Variants in EPC1 observed in about 807,000 individuals in gnomAD.
EPC1 encodes the protein enhancer of polycomb homolog 1.
In EPC1, 12 loss-of-function variants were observed where a neutral mutation model predicts 98.4. That is an observed-to-expected ratio of 0.12 (90% CI 0.08 to 0.20). The LOEUF is 0.20. Among genes scored for constraint, EPC1 ranks in the 10% least tolerant of loss-of-function variants. The pLI is 1.00. For missense variants in EPC1, 729 were observed against 990.5 expected, an observed-to-expected ratio of 0.74 and a Z score of 3.54; for synonymous variants, 357 against 363.9, an observed-to-expected ratio of 0.98 and a Z score of 0.21.
At chr10:32,377,167 A>C (rs907808503) in intron 1 of EPC1, 3 of 152,232 alleles carry the variant, frequency 2.0e-5, no homozygotes, top group Non-Finnish European at 2.9e-5. Context: ...ATCTTATTCC[A>C]AAATATTTGT....
chr10:32,344,417 G>GA (rs11361232), intron 1 of EPC1, among the ~76,000 whole-genome samples: 97 of 145,816 alleles, frequency 6.7e-4, no homozygotes, highest in Middle Eastern at 3.4e-3. Flanking sequence ...GCAATCTGAA[G>GA]AAAAAAAAAA....
chr10:32,303,914 G>T (rs1186238193), intron 2 of EPC1, among the ~76,000 whole-genome samples: 1 of 152,232 alleles, frequency 6.6e-6, no homozygotes, highest in Non-Finnish European at 1.5e-5. Flanking sequence ...CTGTGCAGGA[G>T]ACTTCTCTGT....
chr10:32,279,482 A>C (rs112314665), intron 10 of EPC1, among the ~76,000 whole-genome samples: 154 of 152,346 alleles, frequency 1.0e-3, no homozygotes, highest in African/African-American at 3.2e-3. Context: ...AGTAGGATTA[A>C]GATGTTATGT....
At chr10:32,359,623 A>G (rs1015586978) in intron 1 of EPC1, among the ~76,000 whole-genome samples, 7 of 152,304 alleles carry the variant, frequency 4.6e-5, no homozygotes, top group Admixed American at 3.3e-4. Context: ...CTATTTTTTG[A>G]ATGATAGTTT....
intron 10 of EPC1, 35 bp downstream of exon 10, chr10:32,284,663 T>C (rs11816392): frequency 6.6e-7 from 1 of 1,524,280 alleles, no homozygotes; most frequent in African/African-American, 1.4e-5. Context: ...ACCTGACATT[T>C]CTATAGAAAC....
At chr10:32,324,476 G>A (rs1487753219) in intron 1 of EPC1, among the ~76,000 whole-genome samples, 1 of 150,810 alleles carries the variant, frequency 6.6e-6, no homozygotes, top group Non-Finnish European at 1.5e-5. Context: ...GCTGCAGTGA[G>A]CCGAGATTGT....
chr10:32,313,703 T>C (rs1471658696), intron 1 of EPC1, among the ~76,000 whole-genome samples: 5 of 152,028 alleles, frequency 3.3e-5, no homozygotes, highest in Non-Finnish European at 7.4e-5. Context: ...CTGGCCAATA[T>C]GGTGAAACAC....
chr10:32,373,058 C>A lies in EPC1; in HGVS notation c.3+5433G>T, dbSNP rs183169962. Among the ~76,000 whole-genome samples the A allele has an allele frequency of 8.5e-5, 13 of 152,182 alleles. No homozygotes were observed. The East Asian group carries it at 9.6e-4, about 11-fold the overall frequency. Reference sequence around the variant, plus strand: ...AGAATAAAATAAAAGTTAGAGAACACCAATTTTACAAATATCTCATGTGAT... The same window carrying A: ...AGAATAAAATAAAAGTTAGAGAACAACAATTTTACAAATATCTCATGTGAT... On this transcript the variant is annotated intron_variant, in intron 1 of 13. Transcript: ENST00000375110.
At chr10:32,369,934 C>T (rs1164032778) in intron 1 of EPC1, among the ~76,000 whole-genome samples, 3 of 152,084 alleles carry the variant, frequency 2.0e-5, no homozygotes, top group Non-Finnish European at 2.9e-5. Flanking sequence ...AGTCATGCTA[C>T]AGATAAGACC....
chr10:32,316,264 T>C (rs1160862296), intron 1 of EPC1, among the ~76,000 whole-genome samples: 2 of 152,192 alleles, frequency 1.3e-5, no homozygotes, highest in African/African-American at 2.4e-5. Flanking sequence ...GAAAGGCCGA[T>C]AGATACTGTA....
intron 6 of EPC1, among the ~76,000 whole-genome samples, chr10:32,289,502 T>C (rs1250781071): frequency 6.6e-6 from 1 of 151,928 alleles, no homozygotes; most frequent in African/African-American, 2.4e-5. Context: ...TGAAGGTCTG[T>C]TTACCACAAT....
chr10:32,351,283 C>T (rs1839100893), upstream of EPC1, among the ~76,000 whole-genome samples: 1 of 152,164 alleles, frequency 6.6e-6, no homozygotes, highest in Non-Finnish European at 1.5e-5. Flanking sequence ...AATTTTGCCC[C>T]ACTCTGTCCA....
intron 1 of EPC1, among the ~76,000 whole-genome samples, chr10:32,321,127 G>A (rs1389506535): frequency 2.0e-5 from 3 of 151,986 alleles, no homozygotes; most frequent in Non-Finnish European, 4.4e-5. Flanking sequence ...AAAGATTAGA[G>A]GTTAAACTAT....
chr10:32,347,434 C>G (rs1301371591), upstream of EPC1: 1 of 159,538 alleles, frequency 6.3e-6, no homozygotes, highest in Non-Finnish European at 1.4e-5. Context: ...CACTTTCTCA[C>G]GCTCGCTCCC....
At chr10:32,302,014 C>T (rs1445462029) in intron 2 of EPC1, among the ~76,000 whole-genome samples, 1 of 152,152 alleles carries the variant, frequency 6.6e-6, no homozygotes, top group Non-Finnish European at 1.5e-5. Flanking sequence ...TGGCTCACGC[C>T]TGTAATCCCA....
At chr10:32,352,864 G>C (rs929489291) in intron 1 of EPC1, among the ~76,000 whole-genome samples, 5 of 152,082 alleles carry the variant, frequency 3.3e-5, no homozygotes, top group Non-Finnish European at 7.4e-5. Context: ...AGTATCCCTA[G>C]TATCTATCTG....
intron 1 of EPC1, among the ~76,000 whole-genome samples, chr10:32,311,695 A>G (rs1289089729): frequency 6.6e-6 from 1 of 152,224 alleles, no homozygotes; most frequent in African/African-American, 2.4e-5. Context: ...TGTGTATGCT[A>G]TATTTTTCCT....
At chr10:32,330,377 GGTCA>G (rs1287078962) in intron 1 of EPC1, among the ~76,000 whole-genome samples, 1 of 152,092 alleles carries the variant, frequency 6.6e-6, no homozygotes, top group Non-Finnish European at 1.5e-5. Context: ...CTGGATTCAC[GGTCA>G]GTCTGAATAC....
At chr10:32,296,945 T>C (rs1835206002) in intron 2 of EPC1, among the ~76,000 whole-genome samples, 1 of 151,292 alleles carries the variant, frequency 6.6e-6, no homozygotes, top group Non-Finnish European at 1.5e-5. Context: ...GAGTACCCAA[T>C]CTTGTTCATA....
Sources: gnomAD v4.1 joint callset for allele counts (sites outside exome capture counted in the v4.1 genomes callset) on GRCh38, gnomAD v4.1.1 for gene constraint, MANE v1.5 for transcripts, NCBI Gene and HGNC (gene_info 2026-07-23, HGNC 2026-07-21) for gene names.